THEMIS: variants seen among roughly 807,000 people sequenced by gnomAD.
The protein encoded by THEMIS is thymocyte selection associated, also known as protein THEMIS.
Under a neutral mutation model 52.6 loss-of-function variants are expected in THEMIS, and 37 were observed. The ratio of observed to expected loss-of-function variants is 0.70; its 90% CI spans 0.54 to 0.93. The LOEUF (loss-of-function observed/expected upper bound fraction) is 0.93. Among genes scored for constraint, THEMIS ranks in the 40% least tolerant of loss-of-function variants. The pLI, the probability that THEMIS is intolerant of heterozygous loss-of-function variation, is 0.00. For synonymous variants in THEMIS, 292 were observed against 272.7 expected, an observed-to-expected ratio of 1.07 and a Z score of -0.70; for missense variants, 808 against 763.1, an observed-to-expected ratio of 1.06 and a Z score of -0.69.
chr6:127,860,257 G>A (rs1583364147), intron 1 of THEMIS, among the ~76,000 whole-genome samples: 2 of 151,998 alleles, frequency 1.3e-5, no homozygotes, highest in South Asian at 4.1e-4. Flanking sequence ...TTTAATGCAG[G>A]GTACATATAA....
At chr6:127,753,894 A>G (rs991302126) in intron 4 of THEMIS, among the ~76,000 whole-genome samples, 4 of 151,988 alleles carry the variant, frequency 2.6e-5, no homozygotes, top group Non-Finnish European at 4.4e-5. Flanking sequence ...TAGATCTTAT[A>G]ATAATAATAA....
intron 2 of THEMIS, among the ~76,000 whole-genome samples, chr6:127,842,242 C>T (rs1779073729): frequency 6.6e-6 from 1 of 151,776 alleles, no homozygotes; most frequent in Non-Finnish European, 1.5e-5. Context: ...TTGATCATTT[C>T]AATAGTAGAT....
At chr6:127,762,418 A>G (rs1776051818) in intron 4 of THEMIS, among the ~76,000 whole-genome samples, 1 of 152,132 alleles carries the variant, frequency 6.6e-6, no homozygotes, top group African/African-American at 2.4e-5. Context: ...TGAAACAATA[A>G]CAAATACAAA....
At position 127,775,947 on chromosome 6, in the gene THEMIS, T is replaced by C. The variant is rs111334454; in HGVS notation, c.1758+36936A>G. ...AACATTTTCTCTCAGATTGGCACTT[T>C]TGTTTTCATTTTCAATAGAATGTTG... On this transcript the variant is annotated intron_variant, in intron 4 of 5. Transcript: ENST00000368248. 9.7e-3 allele frequency among the ~76,000 whole-genome samples: 1,475 copies of C among 152,296 alleles called. 25 individuals are homozygous for C. The highest frequency in any genetic ancestry group is 0.034 in the African/African-American group (1,407 of 41,562).
At chr6:127,727,265 C>T (rs1481776656) in intron 4 of THEMIS, among the ~76,000 whole-genome samples, 1 of 152,118 alleles carries the variant, frequency 6.6e-6, no homozygotes, top group Non-Finnish European at 1.5e-5. Context: ...AATCATAACT[C>T]TTAGAGTCTG....
chr6:127,866,929 T>C (rs887204718), intron 1 of THEMIS, among the ~76,000 whole-genome samples: 1 of 149,792 alleles, frequency 6.7e-6, no homozygotes, highest in Non-Finnish European at 1.5e-5. Flanking sequence ...TGGCTAAGGC[T>C]ACTAAGATTT....
chr6:127,808,971 C>T (rs147529279), intron 4 of THEMIS, among the ~76,000 whole-genome samples: 1 of 152,292 alleles, frequency 6.6e-6, no homozygotes, highest in East Asian at 1.9e-4. Flanking sequence ...ATTTTAGATT[C>T]TTACTCTTAG....
chr6:127,793,978 C>G (rs1373356992), intron 4 of THEMIS, among the ~76,000 whole-genome samples: 1 of 152,018 alleles, frequency 6.6e-6, no homozygotes, highest in Non-Finnish European at 1.5e-5. Context: ...CATTTTCCCC[C>G]AAAAAAGCAT....
At chr6:127,711,154 G>T (rs1301974973) in intron 5 of THEMIS, among the ~76,000 whole-genome samples, 2 of 150,842 alleles carry the variant, frequency 1.3e-5, no homozygotes, top group South Asian at 2.1e-4. Context: ...TTTACTTTAG[G>T]TTACTAACCT....
intron 4 of THEMIS, among the ~76,000 whole-genome samples, chr6:127,771,032 C>T (rs1303214481): frequency 6.6e-6 from 1 of 152,170 alleles, no homozygotes; most frequent in Non-Finnish European, 1.5e-5. Flanking sequence ...CCCATTGTCT[C>T]AGCCCAAAAT....
chr6:127,900,745 C>A, intron 1 of THEMIS, 97 bp downstream of exon 1: 1 of 1,014,626 alleles, frequency 9.9e-7, no homozygotes. Flanking sequence ...TTTACCAGAA[C>A]TCACATATTT....
chr6:127,917,897 G>A (rs2114546532), intron 1 of THEMIS, among the ~76,000 whole-genome samples: 1 of 152,178 alleles, frequency 6.6e-6, no homozygotes, highest in Admixed American at 6.5e-5. Context: ...GCATTTCCTT[G>A]GATTCCATGA....
chr6:127,870,123 G>A (rs753871586), intron 1 of THEMIS, among the ~76,000 whole-genome samples: 4 of 152,326 alleles, frequency 2.6e-5, no homozygotes, highest in South Asian at 2.1e-4. Flanking sequence ...GCACTGATAT[G>A]TCCTTTCTCC....
intron 1 of THEMIS, among the ~76,000 whole-genome samples, chr6:127,917,756 C>A (rs924942445): frequency 2.0e-5 from 3 of 152,086 alleles, no homozygotes; most frequent in African/African-American, 7.2e-5. Context: ...AGAATTTGAA[C>A]TAAAAGATAT....
intron 4 of THEMIS, among the ~76,000 whole-genome samples, chr6:127,763,810 CTGA>C (rs954199458): frequency 2.6e-5 from 4 of 151,766 alleles, no homozygotes; most frequent in African/African-American, 9.7e-5. Context: ...ATCAATGAAA[CTGA>C]TGATATTTTG....
At chr6:127,918,209 G>A (rs564453131) in intron 1 of THEMIS, among the ~76,000 whole-genome samples, 39 of 152,214 alleles carry the variant, frequency 2.6e-4, no homozygotes, top group African/African-American at 8.2e-4. Context: ...GGCATAATGC[G>A]TGCCTGCAAT....
chr6:127,867,304 A>G (rs1291912235), intron 1 of THEMIS, among the ~76,000 whole-genome samples: 1 of 152,104 alleles, frequency 6.6e-6, no homozygotes, highest in African/African-American at 2.4e-5. Flanking sequence ...GCTAAAATAA[A>G]TCCCCAAACA....
At chr6:127,914,374 T>C (rs188735789) in intron 1 of THEMIS, among the ~76,000 whole-genome samples, 42 of 152,312 alleles carry the variant, frequency 2.8e-4, no homozygotes, top group African/African-American at 9.9e-4. Flanking sequence ...TAAGGGACGA[T>C]TTCATTATGA....
In THEMIS at chr6:127,836,517, C is replaced by T. The variant is rs568754238; in HGVS notation, c.251-6583G>A. On this transcript the variant is annotated intron_variant, in intron 2 of 5. Coordinates refer to ENST00000368248, the MANE Select transcript of THEMIS (RefSeq NM_001010923.3). The stretch of plus-strand genomic sequence containing the variant: ...TACAAAACAATTAAAAATCAGTTTA[C>T]ATTAAATTCAAATTAGAAAGAGCTA... Among the ~76,000 whole-genome samples the T allele has an allele frequency of 1.6e-3, 245 of 152,234 alleles. 1 individual carries two copies. Among genetic ancestry groups the T allele is most frequent in the African/African-American group, 5.6e-3 (232 of 41,544 alleles).
Sources: gnomAD v4.1 joint callset for allele counts (sites outside exome capture counted in the v4.1 genomes callset) on GRCh38, gnomAD v4.1.1 for gene constraint, MANE v1.5 for transcripts, NCBI Gene and HGNC (gene_info 2026-07-23, HGNC 2026-07-21) for gene names.